APTX: variants seen among roughly 807,000 people sequenced by gnomAD.
APTX encodes the protein aprataxin, also known as forkhead-associated domain histidine triad-like protein.
Under a neutral mutation model 42.3 loss-of-function variants are expected in APTX, and 33 were observed. The ratio of observed to expected loss-of-function variants is 0.78; its 90% CI spans 0.59 to 1.04. APTX has a LOEUF of 1.04. Ranked by LOEUF, APTX falls within the 50% of genes least tolerant of loss-of-function variation. The pLI is 0.00. For missense variants in APTX, 421 were observed against 415.1 expected (o/e 1.01, Z -0.12); for synonymous variants, 130 against 146.7 (o/e 0.89, Z 0.82).
intron 1 of APTX, among the ~76,000 whole-genome samples, chr9:32,995,583 A>G (rs1834645101): frequency 6.6e-6 from 1 of 152,178 alleles, no homozygotes; most frequent in Non-Finnish European, 1.5e-5. Flanking sequence ...GATGTAATGA[A>G]CATTACCAAA....
chr9:32,984,813 T>C lies in APTX; in HGVS notation c.588A>G (p.Pro196=), dbSNP rs1017771187. ...EQVVVIKDKY[P]KARYHWLVLP... The stretch of plus-strand genomic sequence containing the variant: ...AGACCAGCCAATGGTAACGGGCCTT[T>C]GGGTATTTATCCTTTATCACCACCA... Residue 196 remains proline, a synonymous_variant, in exon 6 of 8, where the codon CCA becomes CCG. Transcript: ENST00000379817. The C allele has an allele frequency of 1.2e-6, 2 of 1,614,152 alleles. No homozygotes were observed. The highest frequency in any genetic ancestry group is 1.7e-6 in the Non-Finnish European group (2 of 1,180,016).
upstream of APTX, among the ~76,000 whole-genome samples, chr9:33,002,124 G>A (rs1313571754): frequency 5.3e-5 from 8 of 151,988 alleles, no homozygotes; most frequent in East Asian, 1.5e-3. Context: ...GGGGCAATCC[G>A]GGAGAAAAAA....
intron 1 of APTX, among the ~76,000 whole-genome samples, chr9:33,014,687 T>C (rs17324756): frequency 0.069 from 10,439 of 151,728 alleles, 511 homozygotes; most frequent in Non-Finnish European, 0.11. Context: ...CCAATTACTA[T>C]ACTAGGTGCT....
At chr9:33,000,514 G>GC (rs1563989854) in intron 1 of APTX, among the ~76,000 whole-genome samples, 1 of 151,188 alleles carries the variant, frequency 6.6e-6, no homozygotes, top group Non-Finnish European at 1.5e-5. Context: ...TGTAATCCCA[G>GC]CTCCTTGGGA....
At chr9:33,021,636 AAC>A (rs1364042715) in intron 1 of APTX, among the ~76,000 whole-genome samples, 14 of 152,188 alleles carry the variant, frequency 9.2e-5, no homozygotes, top group African/African-American at 3.4e-4. Context: ...CAGCCTGGGC[AAC>A]ATAGGAAGAC....
At chr9:32,993,715 A>G (rs1294655862) in intron 1 of APTX, among the ~76,000 whole-genome samples, 5 of 140,836 alleles carry the variant, frequency 3.6e-5, no homozygotes, top group African/African-American at 7.9e-5. Context: ...TTTCACCTCT[A>G]TATCTTTTTT....
In APTX at chr9:33,019,935, C is replaced by T. The variant is rs1372505141; in HGVS notation, c.-5+5088G>A. On this transcript the variant is annotated intron_variant, in intron 1 of 6. Transcript: ENST00000436040. ...ACCTCTAAGGGGGTCGGGAAAGGCA[C>T]GCTGAGGGTGAATATGTGCGGCCGC... 1.4e-5 allele frequency: 7 copies of T among 493,266 alleles called. No homozygotes were observed. The East Asian group carries it at 1.7e-4, about 12-fold the overall frequency. The allele number at this position is 493,266 out of a possible 1,614,324, so 30.6% of individuals were successfully genotyped here.
At chr9:32,981,115 G>A (rs539068604) in intron 6 of APTX, among the ~76,000 whole-genome samples, 36 of 152,128 alleles carry the variant, frequency 2.4e-4, no homozygotes, top group Non-Finnish European at 4.6e-4. Flanking sequence ...GACTAGATAC[G>A]ATAAGGCTAA....
At chr9:32,978,135 T>G (rs1253992406) in intron 6 of APTX, among the ~76,000 whole-genome samples, 1 of 152,212 alleles carries the variant, frequency 6.6e-6, no homozygotes, top group Non-Finnish European at 1.5e-5. Context: ...TTTTTACACT[T>G]GGGTTTGTTG....
intron 1 of APTX, among the ~76,000 whole-genome samples, chr9:32,991,716 G>C (rs1833682523): frequency 6.6e-6 from 1 of 151,744 alleles, no homozygotes; most frequent in Non-Finnish European, 1.5e-5. Context: ...GGCGGAGGTT[G>C]CAGTGAGCAG....
chr9:33,006,181 G>A (rs971489756), upstream of APTX, among the ~76,000 whole-genome samples: 2 of 152,016 alleles, frequency 1.3e-5, no homozygotes, highest in South Asian at 2.1e-4. Flanking sequence ...CAGCATTTGG[G>A]AAGATGAGTC....
intron 6 of APTX, among the ~76,000 whole-genome samples, chr9:32,983,760 A>G (rs2118649277): frequency 6.6e-6 from 1 of 152,370 alleles, no homozygotes; most frequent in South Asian, 2.1e-4. Context: ...AAAAGGACAA[A>G]TATGTCCTTG....
intron 1 of APTX, chr9:33,020,088 C>A (rs1326140041): frequency 1.0e-5 from 4 of 385,504 alleles, no homozygotes; most frequent in Middle Eastern, 6.6e-4. Flanking sequence ...CCTAGCCATC[C>A]CCGCAGTTGG....
intron 1 of APTX, 65 bp downstream of exon 1, chr9:33,001,502 G>T (rs556444062): frequency 6.2e-7 from 1 of 1,610,716 alleles, no homozygotes; most frequent in African/African-American, 1.3e-5. Flanking sequence ...GAGCAGCCTC[G>T]GCCGAACGCT....
intron 1 of APTX, among the ~76,000 whole-genome samples, chr9:33,017,897 A>G (rs928660276): frequency 1.3e-5 from 2 of 150,618 alleles, no homozygotes; most frequent in African/African-American, 2.4e-5. Context: ...CCAATCCTCT[A>G]ATCACTTGGT....
intron 6 of APTX, among the ~76,000 whole-genome samples, chr9:32,975,194 C>T (rs1012046339): frequency 6.6e-6 from 1 of 152,082 alleles, no homozygotes; most frequent in Non-Finnish European, 1.5e-5. Context: ...GCAGCAGAAA[C>T]GAGGCAGGAG....
chr9:33,000,044 T>C (rs575100599), intron 1 of APTX, among the ~76,000 whole-genome samples: 2 of 152,254 alleles, frequency 1.3e-5, no homozygotes, highest in South Asian at 4.2e-4. Context: ...TATAGAACAG[T>C]GGCGAAGATC....
intron 1 of APTX, among the ~76,000 whole-genome samples, chr9:33,024,134 C>T (rs1838641944): frequency 6.6e-6 from 1 of 152,254 alleles, no homozygotes; most frequent in Non-Finnish European, 1.5e-5. Context: ...TGTTTGGCTT[C>T]TCACTAAAGT....
intron 1 of APTX, chr9:33,019,898 T>C (rs1467228644): frequency 7.0e-6 from 4 of 572,280 alleles, no homozygotes; most frequent in Admixed American, 2.9e-5. Context: ...CAGGGACCCA[T>C]GGGCAATTTC....
Sources: allele counts gnomAD v4.1 joint callset (sites outside exome capture counted in the v4.1 genomes callset), GRCh38; gene constraint gnomAD v4.1.1; transcripts MANE v1.5; gene names NCBI Gene and HGNC (gene_info 2026-07-23, HGNC 2026-07-21).